Variants in AK7 observed in about 807,000 individuals in gnomAD.
AK7 encodes the protein ATP-AMP transphosphorylase 7.
In AK7, 78 loss-of-function variants were observed where a neutral mutation model predicts 96.6. The observed-to-expected ratio is 0.81, with a 90% CI of 0.67 to 0.97. The LOEUF is 0.97. AK7 is among the 50% of genes least tolerant of loss of function. The pLI is 0.00. For missense variants in AK7, 855 were observed against 887.9 expected (o/e 0.96, Z 0.47); for synonymous variants, 302 against 317.2 (o/e 0.95, Z 0.51).
In AK7 at chr14:96,457,956, G is replaced by A. The variant is rs1040310004; in HGVS notation, c.1228-127G>A. ...ATGTGCATCCTGCAAAATTTTGCAT[G>A]ACAGCTGTCATAGGGTACCTGTCCT... On this transcript the variant is annotated intron_variant, in intron 11 of 17. Transcript: ENST00000267584. The A allele has an allele frequency of 5.2e-6, 7 of 1,343,842 alleles. No individual in the cohort carries two copies. In the African/African-American group the frequency reaches 1.0e-4, roughly 20 times the overall value. The allele number at this position is 1,343,842 out of a possible 1,614,324, so 83.2% of individuals were successfully genotyped here.
chr14:96,411,472 C>T (rs1290953050), intron 4 of AK7, among the ~76,000 whole-genome samples: 1 of 151,676 alleles, frequency 6.6e-6, no homozygotes, highest in Non-Finnish European at 1.5e-5. Context: ...GATCGCACCA[C>T]TGTACTCCAG....
chr14:96,437,816 TCTG>T lies in AK7; in HGVS notation c.610-18_610-16del. The T allele has an allele frequency of 6.3e-7, 1 of 1,584,548 alleles. No individual in the cohort carries two copies. The highest frequency in any genetic ancestry group is 1.4e-5 in the African/African-American group (1 of 73,606). On this transcript the variant is annotated splice_polypyrimidine_tract_variant and intron_variant, in intron 5 of 17. Coordinates refer to ENST00000267584, the MANE Select transcript of AK7 (RefSeq NM_152327.5). Reference sequence around the variant, plus strand: ...ATAATATTACATCCAGCTTTTTTTTTCTGTATTTTATCTAATAGGCCAGAAAAT... The same window carrying T: ...ATAATATTACATCCAGCTTTTTTTTTTATTTTATCTAATAGGCCAGAAAAT...
At chr14:96,424,243 G>T (rs1235242150) in intron 5 of AK7, 10 of 440,182 alleles carry the variant, frequency 2.3e-5, no homozygotes, top group Non-Finnish European at 3.3e-5. Context: ...GCGCGCAGCC[G>T]GGAGTGCCGC....
intron 11 of AK7, chr14:96,456,683 C>T: frequency 2.3e-6 from 1 of 439,786 alleles, no homozygotes; most frequent in Non-Finnish European, 4.0e-6. Flanking sequence ...TTGACCTTGG[C>T]CACACTGGCG....
chr14:96,441,554 A>G (rs1892956836), intron 6 of AK7, among the ~76,000 whole-genome samples: 1 of 146,764 alleles, frequency 6.8e-6, no homozygotes, highest in Non-Finnish European at 1.5e-5. Flanking sequence ...CAGGAGAATC[A>G]CTTAAACCTG....
Position 96,486,884 on chromosome 14 carries a change from A to ATATTCTATTCTATTTTATTT in AK7, c.1975-5_1975-4insCTATTTTATTTTATTCTATT. 1.9e-6 allele frequency: 3 copies of ATATTCTATTCTATTTTATTT among 1,609,350 alleles called. No homozygotes were observed. Among genetic ancestry groups the ATATTCTATTCTATTTTATTT allele is most frequent in the Non-Finnish European group, 1.7e-6 (2 of 1,176,638 alleles). Reference sequence around the variant, plus strand: ...CACTACACATTTACTTTACCACCAAATATTCTATTTTAGAATAAACGACTG... The same window carrying ATATTCTATTCTATTTTATTT: ...CACTACACATTTACTTTACCACCAAATATTCTATTCTATTTTATTTTATTCTATTTTAGAATAAACGACTG... On this transcript the variant is annotated splice_polypyrimidine_tract_variant and intron_variant, in intron 16 of 17. Transcript: ENST00000267584.
rs561763166 is a variant in AK7, at chr14:96,473,502, C to G, written c.1555+747C>G. Among the ~76,000 whole-genome samples, 54 of 151,236 alleles carry G rather than the reference C, an allele frequency of 3.6e-4. No homozygotes were observed. In the South Asian group the frequency reaches 0.011, roughly 31 times the overall value. ...TTTAACTACTTCTTAAGGAGCAGGGCTACACCATAGGCAGTGTGCCTAGAG... is the reference window on the plus strand; with the variant it reads ...TTTAACTACTTCTTAAGGAGCAGGGGTACACCATAGGCAGTGTGCCTAGAG... On this transcript the variant is annotated intron_variant, in intron 14 of 17. Coordinates refer to ENST00000267584, the MANE Select transcript of AK7 (RefSeq NM_152327.5).
rs917047287 is a variant in AK7, at chr14:96,471,380, C to G, written c.1358-98C>G. The G allele has an allele frequency of 2.4e-5, 14 of 587,848 alleles. No individual in the cohort carries two copies. The African/African-American group carries it at 2.6e-4, about 11-fold the overall frequency. The allele number at this position is 587,848 out of a possible 1,614,324, so 36.4% of individuals were successfully genotyped here. The stretch of plus-strand genomic sequence containing the variant: ...GCAAAATAGGGATTTCCAATAGTAC[C>G]TTTGACTACACAACAATTTTTGAGA... On this transcript the variant is annotated intron_variant, in intron 12 of 17. Transcript: ENST00000267584.
chr14:96,440,922 G>C (rs529181934), intron 6 of AK7, among the ~76,000 whole-genome samples: 1 of 151,590 alleles, frequency 6.6e-6, no homozygotes, highest in Admixed American at 6.6e-5. Flanking sequence ...AAGCACTTTC[G>C]GAGGCCAGTG....
At chr14:96,463,261 G>A (rs768957073) in intron 12 of AK7, among the ~76,000 whole-genome samples, 3 of 152,082 alleles carry the variant, frequency 2.0e-5, no homozygotes, top group Non-Finnish European at 4.4e-5. Context: ...GTTGAGACTC[G>A]CTGTTTCACA....
chr14:96,471,354 A>AT, intron 12 of AK7, 124 bp from the exon 13 acceptor site: 1 of 447,088 alleles, frequency 2.2e-6, no homozygotes, highest in Non-Finnish European at 3.6e-6. Flanking sequence ...AAAAAAAAAA[A>AT]GCAAAATAGG....
chr14:96,478,530 A>G lies in AK7; in HGVS notation c.1621A>G (p.Ser541Gly). ...LKERVINLPE[S>G]IVAGTHYSQD... is the part of the protein sequence containing the mutation. ...GGAGCGTGTGATAAACCTTCCTGAG[A>G]GCATCGTGGCGGGGACCCACTACAG... is the stretch of plus-strand genomic sequence containing the variant. The change falls in exon 15 of 18, where the codon AGC becomes GGC. Residue 541 changes from serine (S) to glycine (G), a missense_variant. Physicochemically the swap from Ser to Gly is moderately conservative, Grantham distance 56. Coordinates refer to ENST00000267584, the MANE Select transcript of AK7 (RefSeq NM_152327.5). 1 of 1,614,160 alleles carries G rather than the reference A, an allele frequency of 6.2e-7. No homozygotes were observed. The highest frequency in any genetic ancestry group is 8.5e-7 in the Non-Finnish European group (1 of 1,180,040).
intron 4 of AK7, among the ~76,000 whole-genome samples, chr14:96,418,557 C>T (rs1387495881): frequency 6.6e-6 from 1 of 151,886 alleles, no homozygotes; most frequent in Non-Finnish European, 1.5e-5. Context: ...TTTGCTCTGT[C>T]GCCCAAGCTG....
chr14:96,468,695 ATC>A (rs1894720735), intron 12 of AK7, among the ~76,000 whole-genome samples: 1 of 152,008 alleles, frequency 6.6e-6, no homozygotes, highest in Non-Finnish European at 1.5e-5. Context: ...CCAGGTTGTC[ATC>A]TCAAATGCCG....
Position 96,472,708 on chromosome 14 carries a change from A to T in AK7, c.1508A>T (p.Asp503Val), listed in dbSNP as rs1357895374. 2.5e-6 allele frequency: 4 copies of T among 1,613,008 alleles called. No homozygotes were observed. In the African/African-American group the frequency reaches 4.0e-5, roughly 16 times the overall value. Residue 503 changes from aspartate (D) to valine (V), a missense_variant, in exon 14 of 18, where the codon GAT becomes GTT. By Grantham distance (152) the Asp-to-Val change is radical. Transcript: ENST00000267584. ...LFNQEDEEEE[D>V]DVRGRMFPFD... ...TTAGAGGAAGATGAGGAGGAGGAAG[A>T]TGATGTCAGAGGCAGAATGTTTCCC...
intron 12 of AK7, among the ~76,000 whole-genome samples, chr14:96,467,477 A>G (rs1187656982): frequency 6.6e-6 from 1 of 152,102 alleles, no homozygotes; most frequent in Non-Finnish European, 1.5e-5. Flanking sequence ...CTGGGACTAC[A>G]GGCGCACGCC....
In AK7 at chr14:96,449,889, T is replaced by C. The variant is rs1284808629; in HGVS notation, c.948+10T>C. On this transcript the variant is annotated intron_variant, in intron 9 of 17. Transcript: ENST00000267584. ...AACCAAGGACTTAACGGTTAGTATATGCGGTGTTTTTTTTTTTTTAACTAT... is the reference window on the plus strand; with the variant it reads ...AACCAAGGACTTAACGGTTAGTATACGCGGTGTTTTTTTTTTTTTAACTAT... 1.4e-6 allele frequency: 2 copies of C among 1,455,782 alleles called. No individual in the cohort carries two copies. The highest frequency in any genetic ancestry group is 1.8e-6 in the Non-Finnish European group (2 of 1,102,532). 90.2% of individuals were successfully genotyped at this position (1,455,782 alleles called of 1,614,324 possible).
chr14:96,462,676 A>G (rs1181123277), intron 12 of AK7, among the ~76,000 whole-genome samples: 1 of 152,204 alleles, frequency 6.6e-6, no homozygotes, highest in Non-Finnish European at 1.5e-5. Flanking sequence ...TGGACTATCA[A>G]CTTTTCTGAG....
chr14:96,458,266 T>A (rs1894049391), intron 12 of AK7, 54 bp downstream of exon 12: 16 of 1,576,422 alleles, frequency 1.0e-5, no homozygotes, highest in Admixed American at 5.8e-5. Context: ...TGGCTATTTT[T>A]AAAAATCTGG....
Sources: allele counts gnomAD v4.1 joint callset (sites outside exome capture counted in the v4.1 genomes callset), GRCh38; gene constraint gnomAD v4.1.1; transcripts MANE v1.5; gene names NCBI Gene and HGNC (gene_info 2026-07-23, HGNC 2026-07-21).